KCNJ6: variants seen among roughly 807,000 people sequenced by gnomAD.
The protein encoded by KCNJ6 is potassium inwardly rectifying channel subfamily J member 6, also known as G protein-activated inward rectifier potassium channel 2.
Under a neutral mutation model 34.2 loss-of-function variants are expected in KCNJ6, and 9 were observed. The ratio of observed to expected loss-of-function variants is 0.26; its 90% CI spans 0.16 to 0.46. KCNJ6 has a LOEUF of 0.46. Ranked by LOEUF, KCNJ6 falls within the 20% of genes least tolerant of loss-of-function variation. The probability of loss-of-function intolerance (pLI) is 1.00; values close to 1 mark genes in which losing one functional copy is unlikely to be tolerated. For synonymous variants in KCNJ6, 196 were observed against 207.1 expected (o/e 0.95, Z 0.46); for missense variants, 236 against 531.3 (o/e 0.44, Z 5.46).
chr21:37,649,823 G>A (rs1045005319), intron 3 of KCNJ6, among the ~76,000 whole-genome samples: 2 of 152,156 alleles, frequency 1.3e-5, no homozygotes, highest in Non-Finnish European at 2.9e-5. Context: ...CGCCATCTCG[G>A]CTCACTGCAA....
intron 3 of KCNJ6, among the ~76,000 whole-genome samples, chr21:37,654,789 A>C (rs1390767557): frequency 1.3e-5 from 2 of 152,182 alleles, no homozygotes; most frequent in African/African-American, 4.8e-5. Flanking sequence ...GCCTCCTGGC[A>C]TCTGCATCTT....
At chr21:37,720,153 A>G (rs2054817399) in intron 2 of KCNJ6, among the ~76,000 whole-genome samples, 1 of 152,178 alleles carries the variant, frequency 6.6e-6, no homozygotes, top group South Asian at 2.1e-4. Flanking sequence ...ACATTTTTGA[A>G]ATTTTCTAGA....
rs1374010903 is a variant in KCNJ6, at chr21:37,617,231, T to G, written c.*7928A>C. ...TTCCTTCCTTCCTTCTTTTCTTTCT[T>G]TTTTTGAGACTGAGTCTCGCTCCGT... is the stretch of plus-strand genomic sequence containing the variant. On this transcript the variant is annotated 3_prime_UTR_variant, in exon 4 of 4. Transcript: ENST00000609713. 1 of 148,080 alleles carries G rather than the reference T, an allele frequency of 6.8e-6. No homozygotes were observed. The highest frequency in any genetic ancestry group is 2.6e-5 in the African/African-American group (1 of 38,658). 9.2% of individuals were successfully genotyped at this position (148,080 alleles called of 1,614,324 possible).
Position 37,714,744 on chromosome 21 carries a change from C to T in KCNJ6, c.413G>A (p.Gly138Glu). ...SWTPCVTNLN[G>E]FVSAFLFSIE... Reference sequence around the variant, plus strand: ...TGAGAATAAAAAAGCAGAGACGAACCCGTTGAGGTTGGTAACACAAGGAGT... The same window carrying T: ...TGAGAATAAAAAAGCAGAGACGAACTCGTTGAGGTTGGTAACACAAGGAGT... Residue 138 changes from glycine to glutamate, a missense_variant, in exon 3 of 4, where the codon GGG (glycine) becomes GAG (glutamate). This residue lies in a region of KCNJ6 where 68 missense variants were observed against 165.7 expected (regional missense o/e 0.41). Coordinates refer to ENST00000609713, the MANE Select transcript of KCNJ6 (RefSeq NM_002240.5). The surrounding 1 kb of genome is among the most constrained non-coding windows in gnomAD (Gnocchi z 5.9). 6.2e-7 allele frequency: 1 copy of T among 1,614,064 alleles called. No homozygotes were observed. The highest frequency in any genetic ancestry group is 8.5e-7 in the Non-Finnish European group (1 of 1,180,008).
At chr21:37,870,119 G>A (rs2055642908) in intron 1 of KCNJ6, among the ~76,000 whole-genome samples, 2 of 152,320 alleles carry the variant, frequency 1.3e-5, no homozygotes, top group South Asian at 2.1e-4. Context: ...AGGGAGACAG[G>A]AGCTGTAGCC....
chr21:37,784,105 C>T (rs2055182258), intron 2 of KCNJ6, among the ~76,000 whole-genome samples: 1 of 152,216 alleles, frequency 6.6e-6, no homozygotes, highest in African/African-American at 2.4e-5. Flanking sequence ...TTGAGTCCAC[C>T]TCTTTGTGGC....
intron 3 of KCNJ6, among the ~76,000 whole-genome samples, chr21:37,667,643 A>G (rs139860618): frequency 1.3e-5 from 1 of 75,742 alleles, no homozygotes; most frequent in Non-Finnish European, 3.6e-5. Context: ...TAGCAGGTCC[A>G]GGGTAGCAGG....
intron 3 of KCNJ6, among the ~76,000 whole-genome samples, chr21:37,634,759 T>C (rs1483179376): frequency 9.7e-6 from 1 of 103,164 alleles, no homozygotes; most frequent in Non-Finnish European, 1.9e-5. Flanking sequence ...TACATACAAA[T>C]CATTTTTTTT....
At chr21:37,869,238 C>T (rs1224777630) in intron 1 of KCNJ6, among the ~76,000 whole-genome samples, 1 of 152,246 alleles carries the variant, frequency 6.6e-6, no homozygotes, top group Admixed American at 6.5e-5. Flanking sequence ...ATTTCCATGG[C>T]CTCCACGGCC....
chr21:37,631,176 C>T (rs2054331967), intron 3 of KCNJ6, among the ~76,000 whole-genome samples: 1 of 152,026 alleles, frequency 6.6e-6, no homozygotes, highest in African/African-American at 2.4e-5. Flanking sequence ...TTGGAGGTTC[C>T]CAGCAAGTAC....
chr21:37,893,833 A>G (rs1280376840), intron 1 of KCNJ6, among the ~76,000 whole-genome samples: 1 of 152,184 alleles, frequency 6.6e-6, no homozygotes, highest in East Asian at 1.9e-4. Context: ...ATAAATAACC[A>G]CTTTCAAGTT....
intron 2 of KCNJ6, among the ~76,000 whole-genome samples, chr21:37,824,922 T>C (rs932527065): frequency 3.3e-5 from 5 of 151,770 alleles, no homozygotes; most frequent in Admixed American, 2.6e-4. Context: ...TCTGGCTTCT[T>C]CCAGATCCTG....
chr21:37,817,227 G>A (rs762926303), intron 2 of KCNJ6, among the ~76,000 whole-genome samples: 1 of 152,158 alleles, frequency 6.6e-6, no homozygotes, highest in Non-Finnish European at 1.5e-5. Context: ...TAGGTAACTG[G>A]GTTTGCAGCC....
intron 1 of KCNJ6, among the ~76,000 whole-genome samples, chr21:37,841,503 A>G (rs1453027291): frequency 1.3e-5 from 2 of 152,206 alleles, no homozygotes; most frequent in African/African-American, 4.8e-5. Flanking sequence ...AAATATGTTC[A>G]TTATTTAAAA....
rs996496613 is a variant in KCNJ6, at chr21:37,610,933, G to GA, written c.*14225dup. The stretch of plus-strand genomic sequence containing the variant: ...TTTAAGTTTCCATTTTAAAAAAGTA[G>GA]AAAAAAAGAGCAAATTAAACCCAAA... On this transcript the variant is annotated 3_prime_UTR_variant, in exon 4 of 4. Coordinates refer to ENST00000609713, the MANE Select transcript of KCNJ6 (RefSeq NM_002240.5). 2.6e-5 allele frequency: 4 copies of GA among 151,482 alleles called. No individual in the cohort carries two copies. The allele number at this position is 151,482 out of a possible 1,614,324, so 9.4% of individuals were successfully genotyped here.
chr21:37,857,850 T>C (rs578021662), intron 1 of KCNJ6, among the ~76,000 whole-genome samples: 1 of 152,206 alleles, frequency 6.6e-6, no homozygotes, highest in South Asian at 2.1e-4. Flanking sequence ...AATAGTACAG[T>C]GAATATAGTA....
intron 3 of KCNJ6, among the ~76,000 whole-genome samples, chr21:37,639,019 T>C (rs891548379): frequency 2.0e-5 from 3 of 152,080 alleles, no homozygotes; most frequent in Non-Finnish European, 4.4e-5. Context: ...AAAAAGAAAA[T>C]CCCATGTCAC....
intron 1 of KCNJ6, among the ~76,000 whole-genome samples, chr21:37,880,738 GT>G (rs2055703476): frequency 6.6e-6 from 1 of 152,210 alleles, no homozygotes; most frequent in African/African-American, 2.4e-5. Context: ...CAAAGTAAGT[GT>G]TTTTATCCAG....
At chr21:37,814,091 C>G (rs1424407364) in intron 2 of KCNJ6, among the ~76,000 whole-genome samples, 1 of 152,060 alleles carries the variant, frequency 6.6e-6, no homozygotes, top group African/African-American at 2.4e-5. Flanking sequence ...AAAAAATAGG[C>G]AAAAGATTTG....
Sources: gnomAD v4.1 joint callset for allele counts (sites outside exome capture counted in the v4.1 genomes callset) on GRCh38, gnomAD v4.1.1 for gene constraint, gnomAD v4.1.1 regional missense constraint, Gnocchi (gnomAD v3.1) non-coding constraint, MANE v1.5 for transcripts, NCBI Gene and HGNC (gene_info 2026-07-23, HGNC 2026-07-21) for gene names.